The following PDGFD variants were observed in gnomAD, a reference collection of about 807,000 sequenced individuals.
PDGFD encodes platelet-derived growth factor D.
PDGFD carries 30 observed loss-of-function variants against 44.7 expected under a neutral mutation model. That is an observed-to-expected ratio of 0.67 (90% confidence interval 0.50 to 0.91). The LOEUF is 0.91. PDGFD is among the 40% of genes least tolerant of loss of function. PDGFD has a pLI of 0.00. For synonymous variants in PDGFD, 173 were observed against 168.4 expected, an observed-to-expected ratio of 1.03 and a Z score of -0.21; for missense variants, 445 against 457.8, an observed-to-expected ratio of 0.97 and a Z score of 0.25.
At chr11:104,050,732 C>T (rs192589144) in intron 1 of PDGFD, among the ~76,000 whole-genome samples, 117 of 152,210 alleles carry the variant, frequency 7.7e-4, no homozygotes, top group African/African-American at 2.6e-3. Flanking sequence ...CTTTAGTGTA[C>T]GGAAGGGTCT....
chr11:104,065,891 C>T (rs967891021), intron 1 of PDGFD, among the ~76,000 whole-genome samples: 1 of 152,116 alleles, frequency 6.6e-6, no homozygotes, highest in African/African-American at 2.4e-5. Flanking sequence ...TTTTAAAATA[C>T]TGATGGCATG....
Position 103,973,138 on chromosome 11 carries a change from C to CTTT in PDGFD, c.510+22924_510+22926dup, listed in dbSNP as rs555810765. ...GATATAACGAAGAAGAAAGTGGTCA[C>CTTT]TTTTTTTTTTTTTTTTTTGAGATGG... On this transcript the variant is annotated intron_variant, in intron 3 of 6. Coordinates refer to ENST00000393158, the MANE Select transcript of PDGFD (RefSeq NM_025208.5). Among the ~76,000 whole-genome samples, 9 of 134,416 alleles carry CTTT rather than the reference C, an allele frequency of 6.7e-5. 2 individuals carry two copies. Among genetic ancestry groups the CTTT allele is most frequent in the Non-Finnish European group, 3.2e-5 (2 of 61,960 alleles). The allele number at this position is 134,416 out of a possible 152,430, so 88.2% of individuals were successfully genotyped here.
chr11:104,015,593 T>C (rs1859849320), intron 1 of PDGFD, among the ~76,000 whole-genome samples: 1 of 152,216 alleles, frequency 6.6e-6, no homozygotes, highest in East Asian at 1.9e-4. Flanking sequence ...AAACAGTACA[T>C]TCAAAAGCAT....
At chr11:104,106,700 C>T (rs1409767197) in intron 1 of PDGFD, among the ~76,000 whole-genome samples, 1 of 151,060 alleles carries the variant, frequency 6.6e-6, no homozygotes, top group Non-Finnish European at 1.5e-5. Context: ...ATTACGGTGG[C>T]CAGAATTCCA....
At chr11:103,952,246 G>C (rs1858770514) in intron 3 of PDGFD, among the ~76,000 whole-genome samples, 1 of 152,192 alleles carries the variant, frequency 6.6e-6, no homozygotes, top group South Asian at 2.1e-4. Flanking sequence ...AGAACAAACA[G>C]TGAATAATCA....
intron 6 of PDGFD, among the ~76,000 whole-genome samples, chr11:103,915,527 T>G (rs541305046): frequency 1.3e-5 from 2 of 152,274 alleles, no homozygotes; most frequent in East Asian, 3.9e-4. Context: ...CAAAGTAAAT[T>G]ATAGATTCAG....
At position 104,163,934 on chromosome 11, in the gene PDGFD, T is replaced by A; in HGVS notation, c.-7A>T. The A allele has an allele frequency of 6.5e-7, 1 of 1,539,214 alleles. No individual in the cohort carries two copies. Among genetic ancestry groups the A allele is most frequent in the Non-Finnish European group, 8.9e-7 (1 of 1,128,826 alleles). Reference sequence around the variant, plus strand: ...CAAAGATGAGCCGGTGCATTTGGGATCAGCGACTAGAGACAGCGTCGCTCC... The same window carrying A: ...CAAAGATGAGCCGGTGCATTTGGGAACAGCGACTAGAGACAGCGTCGCTCC... On this transcript the variant is annotated 5_prime_UTR_variant, in exon 1 of 7. Coordinates refer to ENST00000393158, the MANE Select transcript of PDGFD (RefSeq NM_025208.5).
chr11:104,104,255 T>G (rs957178944), intron 1 of PDGFD, among the ~76,000 whole-genome samples: 2 of 152,136 alleles, frequency 1.3e-5, no homozygotes, highest in African/African-American at 4.8e-5. Context: ...GTTTAAAAGA[T>G]GACAAAAAGT....
intron 1 of PDGFD, among the ~76,000 whole-genome samples, chr11:104,153,246 TGA>T (rs1591188975): frequency 6.6e-6 from 1 of 152,144 alleles, no homozygotes; most frequent in Non-Finnish European, 1.5e-5. Flanking sequence ...AATCTGACAG[TGA>T]GAGGGCTCAT....
intron 1 of PDGFD, among the ~76,000 whole-genome samples, chr11:104,125,578 G>A (rs1861830882): frequency 6.6e-6 from 1 of 152,014 alleles, no homozygotes; most frequent in Non-Finnish European, 1.5e-5. Flanking sequence ...TGTATTATAT[G>A]TACTCAGACC....
intron 6 of PDGFD, among the ~76,000 whole-genome samples, chr11:103,917,895 T>C (rs1591075324): frequency 2.0e-5 from 3 of 152,328 alleles, no homozygotes; most frequent in Admixed American, 2.0e-4. Flanking sequence ...AGGTGAAAGT[T>C]AGATGCCTGG....
chr11:104,041,856 T>A (rs1387022905), intron 1 of PDGFD, among the ~76,000 whole-genome samples: 3 of 152,228 alleles, frequency 2.0e-5, no homozygotes, highest in Admixed American at 1.3e-4. Context: ...CAGGTATAAA[T>A]TCATCTTCAC....
At chr11:103,940,197 AT>A (rs1858562552) in intron 5 of PDGFD, among the ~76,000 whole-genome samples, 2 of 152,074 alleles carry the variant, frequency 1.3e-5, no homozygotes, top group Non-Finnish European at 2.9e-5. Context: ...ACATCATTTA[AT>A]TGTAAAATAT....
chr11:103,973,563 G>T (rs1000818993), intron 3 of PDGFD, among the ~76,000 whole-genome samples: 1 of 152,080 alleles, frequency 6.6e-6, no homozygotes, highest in African/African-American at 2.4e-5. Flanking sequence ...GCTAGGATAC[G>T]TTATTTCCAG....
chr11:104,158,515 C>T (rs567913879), intron 1 of PDGFD, among the ~76,000 whole-genome samples: 23 of 152,216 alleles, frequency 1.5e-4, no homozygotes, highest in Non-Finnish European at 3.1e-4. Flanking sequence ...GCACAATATA[C>T]AGGAGGCATT....
intron 5 of PDGFD, among the ~76,000 whole-genome samples, chr11:103,933,358 T>C (rs149229089): frequency 1.4e-4 from 21 of 152,312 alleles, no homozygotes; most frequent in Non-Finnish European, 2.9e-4. Context: ...AGCACATAAT[T>C]ATGAAAACTG....
At chr11:104,063,011 A>T (rs1336181406) in intron 1 of PDGFD, among the ~76,000 whole-genome samples, 1 of 152,176 alleles carries the variant, frequency 6.6e-6, no homozygotes, top group African/African-American at 2.4e-5. Context: ...AGTTATATAA[A>T]CACTGAAGAG....
intron 1 of PDGFD, among the ~76,000 whole-genome samples, chr11:104,063,046 G>C (rs1187654890): frequency 6.6e-6 from 1 of 152,098 alleles, no homozygotes; most frequent in Non-Finnish European, 1.5e-5. Context: ...CAGTAAACTA[G>C]GGCAATTGCC....
At chr11:104,032,781 G>A (rs763769481) in intron 1 of PDGFD, among the ~76,000 whole-genome samples, 21 of 151,630 alleles carry the variant, frequency 1.4e-4, no homozygotes, top group Non-Finnish European at 1.9e-4. Context: ...TGTTTTCTGG[G>A]CATTTAGGCC....
Sources: allele counts gnomAD v4.1 joint callset (sites outside exome capture counted in the v4.1 genomes callset), GRCh38; gene constraint gnomAD v4.1.1; transcripts MANE v1.5; gene names NCBI Gene and HGNC (gene_info 2026-07-23, HGNC 2026-07-21).